HS3ST5: variants seen among roughly 807,000 people sequenced by gnomAD.
HS3ST5 encodes the protein heparan sulfate-glucosamine 3-sulfotransferase 5, also known as heparan sulfate glucosamine 3-O-sulfotransferase 5.
HS3ST5 carries 10 observed loss-of-function variants against 25.4 expected under a neutral mutation model. The observed-to-expected ratio is 0.39, with a 90% CI of 0.24 to 0.67. The LOEUF is 0.67. Among genes scored for constraint, HS3ST5 ranks in the 30% least tolerant of loss-of-function variants. The pLI is 0.44. For synonymous variants in HS3ST5, 170 were observed against 162.4 expected (o/e 1.05, Z -0.36); for missense variants, 324 against 420.7 (o/e 0.77, Z 2.01).
intron 2 of HS3ST5, among the ~76,000 whole-genome samples, chr6:114,198,281 A>T (rs1354665122): frequency 6.6e-6 from 1 of 152,182 alleles, no homozygotes; most frequent in African/African-American, 2.4e-5. Context: ...TTTGAGATAT[A>T]TGGGATTATA....
chr6:114,151,988 T>C (rs1297704569), intron 3 of HS3ST5, among the ~76,000 whole-genome samples: 1 of 152,158 alleles, frequency 6.6e-6, no homozygotes, highest in East Asian at 1.9e-4. Context: ...TGGAGTACGG[T>C]GGCGTGATCT....
At chr6:114,155,794 G>A (rs1582661106) in intron 3 of HS3ST5, among the ~76,000 whole-genome samples, 1 of 152,194 alleles carries the variant, frequency 6.6e-6, no homozygotes, top group East Asian at 1.9e-4. Flanking sequence ...GGTGTGAAAT[G>A]TGGTAATAAA....
chr6:114,234,099 A>G (rs1044804677), intron 1 of HS3ST5, among the ~76,000 whole-genome samples: 2 of 152,160 alleles, frequency 1.3e-5, no homozygotes, highest in Non-Finnish European at 2.9e-5. Context: ...GAGAGGCAGG[A>G]AATGTAAGGG....
chr6:114,255,156 A>G (rs2114642224), intron 1 of HS3ST5, among the ~76,000 whole-genome samples: 1 of 152,334 alleles, frequency 6.6e-6, no homozygotes, highest in Non-Finnish European at 1.5e-5. Flanking sequence ...ACCCATTTTA[A>G]ATGGGAGAAA....
At chr6:114,335,942 G>A (rs1181543122) in intron 1 of HS3ST5, among the ~76,000 whole-genome samples, 5 of 151,700 alleles carry the variant, frequency 3.3e-5, no homozygotes, top group African/African-American at 7.3e-5. Context: ...GTGAGCCACC[G>A]CGCCCGGCCC....
chr6:114,215,071 C>T (rs1458520971), intron 2 of HS3ST5, among the ~76,000 whole-genome samples: 2 of 152,026 alleles, frequency 1.3e-5, no homozygotes, highest in Non-Finnish European at 2.9e-5. Flanking sequence ...TTTGGGAGGC[C>T]GAGGCGGGCA....
chr6:114,084,523 G>C (rs911867823), intron 3 of HS3ST5: 15 of 758,854 alleles, frequency 2.0e-5, no homozygotes, highest in Non-Finnish European at 3.1e-5. Context: ...TTCCCGAGCC[G>C]GCGTCCACCG....
chr6:114,109,849 T>C (rs1201779138), intron 3 of HS3ST5, among the ~76,000 whole-genome samples: 1 of 152,252 alleles, frequency 6.6e-6, no homozygotes, highest in Non-Finnish European at 1.5e-5. Flanking sequence ...GTGTTAGCTA[T>C]GAAGGCTACA....
intron 3 of HS3ST5, among the ~76,000 whole-genome samples, chr6:114,162,695 A>T (rs1351114211): frequency 6.6e-6 from 1 of 152,124 alleles, no homozygotes; most frequent in African/African-American, 2.4e-5. Context: ...AAACCTTCAG[A>T]ACAATAAATG....
chr6:114,233,580 G>C (rs1771712240), intron 1 of HS3ST5, among the ~76,000 whole-genome samples: 1 of 152,118 alleles, frequency 6.6e-6, no homozygotes, highest in Non-Finnish European at 1.5e-5. Context: ...GCTAAACCTT[G>C]AGTTCTGTGG....
intron 2 of HS3ST5, among the ~76,000 whole-genome samples, chr6:114,201,991 G>T (rs894516931): frequency 6.6e-6 from 1 of 152,020 alleles, no homozygotes; most frequent in Non-Finnish European, 1.5e-5. Flanking sequence ...CTCCCACCGG[G>T]TCTCTCCCAT....
At chr6:114,215,373 G>T (rs1174553346) in intron 2 of HS3ST5, among the ~76,000 whole-genome samples, 1 of 152,078 alleles carries the variant, frequency 6.6e-6, no homozygotes, top group East Asian at 1.9e-4. Flanking sequence ...GAGTCTTCTT[G>T]CATGGGACCC....
intron 1 of HS3ST5, among the ~76,000 whole-genome samples, chr6:114,269,525 T>C (rs781721401): frequency 2.6e-5 from 4 of 152,196 alleles, no homozygotes; most frequent in Non-Finnish European, 4.4e-5. Context: ...GAAGAACCAC[T>C]GCACTCAGTG....
At position 114,329,261 on chromosome 6, in the gene HS3ST5, T is replaced by G. The variant is rs187477340; in HGVS notation, c.-339+12934A>C. The stretch of plus-strand genomic sequence containing the variant: ...CACTGATATTCAACCAGGTTTTCTC[T>G]GGGAAAATGTTTAGATTTCAGTTTA... On this transcript the variant is annotated intron_variant, in intron 1 of 4. Coordinates refer to ENST00000312719, the MANE Select transcript of HS3ST5 (RefSeq NM_153612.4). Among the ~76,000 whole-genome samples the G allele has an allele frequency of 3.5e-3, 533 of 152,330 alleles. 2 individuals carry two copies. The highest frequency in any genetic ancestry group is 0.012 in the African/African-American group (499 of 41,568).
intron 1 of HS3ST5, among the ~76,000 whole-genome samples, chr6:114,341,723 C>T (rs941887960): frequency 6.6e-6 from 1 of 152,070 alleles, no homozygotes; most frequent in Non-Finnish European, 1.5e-5. Flanking sequence ...TCTTTGCCTG[C>T]CCTCTGCCTG....
chr6:114,249,824 C>T (rs376161291), intron 1 of HS3ST5, among the ~76,000 whole-genome samples: 3 of 152,208 alleles, frequency 2.0e-5, no homozygotes, highest in African/African-American at 2.4e-5. Context: ...CTGTTGTTAT[C>T]AAAACACTTC....
Position 114,058,208 on chromosome 6 carries a change from A to G in HS3ST5, c.108-18T>C, listed in dbSNP as rs770692858. 1.3e-6 allele frequency: 2 copies of G among 1,574,356 alleles called. No individual in the cohort carries two copies. The highest frequency in any genetic ancestry group is 1.3e-5 in the African/African-American group (1 of 74,324). ...GTTGTAGCCTGCAAGCAAGACAGAG[A>G]CACTTTAAGCTCATTGCAACTAACT... On this transcript the variant is annotated intron_variant, in intron 4 of 4. Coordinates refer to ENST00000312719, the MANE Select transcript of HS3ST5 (RefSeq NM_153612.4).
chr6:114,219,479 G>A (rs904146220), intron 2 of HS3ST5, among the ~76,000 whole-genome samples: 1 of 152,148 alleles, frequency 6.6e-6, no homozygotes, highest in Non-Finnish European at 1.5e-5. Context: ...CATATTCATG[G>A]GGGAAGGGGT....
intron 1 of HS3ST5, among the ~76,000 whole-genome samples, chr6:114,316,333 A>G (rs1009333723): frequency 1.8e-4 from 27 of 152,196 alleles, no homozygotes; most frequent in African/African-American, 5.5e-4. Flanking sequence ...ACCGGTTGCA[A>G]TAAACCAATG....
Sources: gnomAD v4.1 joint callset for allele counts (sites outside exome capture counted in the v4.1 genomes callset) on GRCh38, gnomAD v4.1.1 for gene constraint, MANE v1.5 for transcripts, NCBI Gene and HGNC (gene_info 2026-07-23, HGNC 2026-07-21) for gene names.